The following SPON2 variants were observed in gnomAD, a reference collection of about 807,000 sequenced individuals.
The protein encoded by SPON2 is spondin-2.
A neutral mutation model predicts 29.9 loss-of-function variants in SPON2; 32 were observed. That is an observed-to-expected ratio of 1.07 (90% CI 0.81 to 1.44). The LOEUF is 1.44. Among genes scored for constraint, SPON2 ranks in the 40% most tolerant of loss-of-function variants. The pLI is 0.00. For missense variants in SPON2, 541 were observed against 455.5 expected, an observed-to-expected ratio of 1.19 and a Z score of -1.71; for synonymous variants, 248 against 209.1, an observed-to-expected ratio of 1.19 and a Z score of -1.61.
exon 1 of SPON2, chr4:1,195,046 CTCCAACCCCGCAGCCGGCGT>C (rs1728027252): frequency 5.3e-5 from 2 of 37,556 alleles, no homozygotes; most frequent in Non-Finnish European, 1.3e-4. Flanking sequence ...CAGCCGGCGG[CTCCAACCCCGCAGCCGGCGT>C]CTCCAACCCC....
intron 1 of SPON2, among the ~76,000 whole-genome samples, chr4:1,186,033 A>G (rs1318850536): frequency 4.0e-5 from 6 of 150,236 alleles, no homozygotes; most frequent in South Asian, 2.1e-4. Flanking sequence ...TCACGAGGTC[A>G]GGAGATCGAG....
chr4:1,201,104 C>T lies in SPON2; in HGVS notation c.-234+6776G>A, dbSNP rs1728192522. On this transcript the variant is annotated intron_variant, in intron 1 of 3. Coordinates refer to the SPON2 transcript ENST00000509233. The stretch of plus-strand genomic sequence containing the variant: ...GGGGCGCCCATGGATGCACCCTGCC[C>T]ACATGGCCCTCTGCGGTCACCCACA... 4.4e-6 allele frequency: 2 copies of T among 455,192 alleles called. 1 individual carries two copies. Among genetic ancestry groups the T allele is most frequent in the Admixed American group, 4.7e-5 (2 of 42,538 alleles). The allele number at this position is 455,192 out of a possible 1,614,324, so 28.2% of individuals were successfully genotyped here. A position where few individuals can be genotyped will look rare whatever the true frequency, so the allele number is the denominator to read the frequency against.
chr4:1,194,395 C>T (rs1467429521), intron 1 of SPON2, among the ~76,000 whole-genome samples: 1 of 152,140 alleles, frequency 6.6e-6, no homozygotes, highest in African/African-American at 2.4e-5. Context: ...TGGGACCAGC[C>T]CCCGGGGGAC....
At chr4:1,181,521 A>G (rs1438713146) in intron 1 of SPON2, among the ~76,000 whole-genome samples, 2 of 152,224 alleles carry the variant, frequency 1.3e-5, no homozygotes, top group Non-Finnish European at 2.9e-5. Context: ...AATAAGCACC[A>G]GAAATATGTT....
chr4:1,199,010 C>A (rs778400481), upstream of SPON2: 5 of 151,930 alleles, frequency 3.3e-5, no homozygotes, highest in Admixed American at 6.6e-5. This position sits in a 1 kb window ranked among gnomAD's most constrained non-coding sequence, Gnocchi z 4.5. Flanking sequence ...AATAGAAAAA[C>A]CAAATAAATG....
upstream of SPON2, among the ~76,000 whole-genome samples, chr4:1,196,616 G>T (rs1728075936): frequency 6.6e-6 from 1 of 152,206 alleles, no homozygotes; most frequent in Non-Finnish European, 1.5e-5. Context: ...CTCTCCTGCA[G>T]AAACCCCATG....
At chr4:1,204,112 TC>T (rs1273651479) in intron 1 of SPON2, among the ~76,000 whole-genome samples, 9 of 152,134 alleles carry the variant, frequency 5.9e-5, no homozygotes, top group Non-Finnish European at 1.3e-4. Context: ...CCTCAAATGG[TC>T]CCCCCAGCTT....
At chr4:1,182,962 C>T (rs1420935954) in intron 1 of SPON2, among the ~76,000 whole-genome samples, 2 of 152,106 alleles carry the variant, frequency 1.3e-5, no homozygotes, top group African/African-American at 4.8e-5. Flanking sequence ...CTATATCTAG[C>T]AAAACTGTCC....
chr4:1,192,715 G>A (rs1238940694), intron 1 of SPON2, among the ~76,000 whole-genome samples: 1 of 152,168 alleles, frequency 6.6e-6, no homozygotes, highest in East Asian at 1.9e-4. Context: ...TGGGGGGTAC[G>A]GCCATCCTGC....
chr4:1,187,354 C>T (rs1294194502), intron 1 of SPON2, among the ~76,000 whole-genome samples: 2 of 152,094 alleles, frequency 1.3e-5, no homozygotes, highest in Non-Finnish European at 2.9e-5. Flanking sequence ...TGGTGGTTGC[C>T]AGAAGCTGGG....
intron 1 of SPON2, among the ~76,000 whole-genome samples, chr4:1,201,862 C>T (rs570415900): frequency 3.9e-5 from 6 of 152,322 alleles, no homozygotes; most frequent in South Asian, 4.1e-4. Context: ...GGATTACAGG[C>T]GTGAGCCACC....
Position 1,171,904 on chromosome 4 carries a change from G to A in SPON2, c.168C>T (p.Phe56=). 1.2e-6 allele frequency: 2 copies of A among 1,613,008 alleles called. No homozygotes were observed. The highest frequency in any genetic ancestry group is 1.7e-6 in the Non-Finnish European group (2 of 1,179,920). Residue 56 remains phenylalanine (F), a synonymous_variant, in exon 2 of 6, where the codon TTC becomes TTT. Coordinates refer to ENST00000290902, the MANE Select transcript of SPON2 (RefSeq NM_012445.4). ...GGCGGAACAGGGGGTACTGCTTGGG[G>A]AAGGCCGTCTGGCTCCACTTGCCCG... The part of the protein sequence containing the change: ...TFTGKWSQTA[F]PKQYPLFRPP...
At chr4:1,172,905 TCCCC>T (rs1727510132), upstream of SPON2, 4 of 12,610 alleles carry the variant, frequency 3.2e-4, no homozygotes, top group Non-Finnish European at 4.4e-4. Flanking sequence ...CCTCCTCCCC[TCCCC>T]TCCTCCCCTC....
At chr4:1,170,779 C>G (rs778037795) in intron 4 of SPON2, 1 of 941,800 alleles carries the variant, frequency 1.1e-6, no homozygotes, top group South Asian at 1.4e-5. Flanking sequence ...CCTCGGGACG[C>G]GCGTCCCGCT....
intron 1 of SPON2, among the ~76,000 whole-genome samples, chr4:1,187,025 G>A (rs1053760219): frequency 1.3e-5 from 2 of 152,156 alleles, no homozygotes; most frequent in African/African-American, 4.8e-5. Context: ...GCAACTGTGG[G>A]TATATACCCA....
At chr4:1,192,062 G>T (rs1029336256) in intron 1 of SPON2, among the ~76,000 whole-genome samples, 1 of 152,266 alleles carries the variant, frequency 6.6e-6, no homozygotes, top group African/African-American at 2.4e-5. Context: ...AGGGGCCAGA[G>T]GAAGCCCCAT....
intron 1 of SPON2, among the ~76,000 whole-genome samples, chr4:1,181,785 G>A (rs1318700715): frequency 6.6e-6 from 1 of 152,188 alleles, no homozygotes; most frequent in African/African-American, 2.4e-5. Context: ...TCAGATATTT[G>A]GGATTGGTGT....
At chr4:1,192,673 C>A (rs992115699) in intron 1 of SPON2, among the ~76,000 whole-genome samples, 3 of 152,194 alleles carry the variant, frequency 2.0e-5, no homozygotes, top group African/African-American at 2.4e-5. Flanking sequence ...CCTCTTAACA[C>A]AGAAGCTCGC....
chr4:1,171,415 C>G lies in SPON2; in HGVS notation c.292G>C (p.Ala98Pro), dbSNP rs1245509986. Residue 98 changes from alanine to proline, a missense_variant, in exon 3 of 6, where the codon GCG (alanine) becomes CCG (proline). Ala to Pro is a conservative substitution (Grantham distance 27, BLOSUM62 -1). Transcript: ENST00000290902. ...AGCGCCCAGGCCTCGCCGCGCTCCG[C>G]AAAGTCGCGCAGCCCGTTACTGACG... is the stretch of plus-strand genomic sequence containing the variant. The part of the protein sequence containing the change: ...QYVSNGLRDF[A>P]ERGEAWALMK... 7 of 1,612,246 alleles carry G rather than the reference C, an allele frequency of 4.3e-6. No individual in the cohort carries two copies. The highest frequency in any genetic ancestry group is 1.3e-5 in the African/African-American group (1 of 74,912).
Sources: gnomAD v4.1 joint callset for allele counts (sites outside exome capture counted in the v4.1 genomes callset) on GRCh38, gnomAD v4.1.1 for gene constraint, Gnocchi (gnomAD v3.1) non-coding constraint, MANE v1.5 for transcripts, NCBI Gene and HGNC (gene_info 2026-07-23, HGNC 2026-07-21) for gene names.